The following CDKAL1 variants were observed in gnomAD, a reference collection of about 807,000 sequenced individuals.
CDKAL1 encodes CDKAL1 threonylcarbamoyladenosine tRNA methylthiotransferase.
A neutral mutation model predicts 68.2 loss-of-function variants in CDKAL1; 32 were observed. The ratio of observed to expected loss-of-function variants is 0.47; its 90% CI spans 0.35 to 0.63. The LOEUF is 0.63. Among genes scored for constraint, CDKAL1 ranks in the 30% least tolerant of loss-of-function variants. The pLI is 0.00. For missense variants in CDKAL1, 606 were observed against 696.7 expected, an observed-to-expected ratio of 0.87 and a Z score of 1.47; for synonymous variants, 234 against 244.3, an observed-to-expected ratio of 0.96 and a Z score of 0.39.
Position 21,176,944 on chromosome 6 carries a change from G to A in CDKAL1, c.1300-21077G>A, listed in dbSNP as rs572363175. On this transcript the variant is annotated intron_variant, in intron 13 of 15. Coordinates refer to ENST00000274695, the MANE Select transcript of CDKAL1 (RefSeq NM_017774.3). The stretch of plus-strand genomic sequence containing the variant: ...GAATTCATGACCTCATGATCCACCC[G>A]CCTCAGCCTCCCAAAGTGCTGGGAT... Among the ~76,000 whole-genome samples the A allele has an allele frequency of 2.8e-4, 43 of 152,052 alleles. No homozygotes were observed. In the South Asian group the frequency reaches 8.3e-3, roughly 29 times the overall value.
At chr6:20,548,564 C>CTTTTTTTTTTTTTTTT in intron 3 of CDKAL1, 29 bp from the exon 4 acceptor site, 1 of 809,578 alleles carries the variant, frequency 1.2e-6, no homozygotes. Context: ...ATGAAACTTA[C>CTTTTTTTTTTTTTTTT]TTTTTTTTTT....
At chr6:20,924,748 G>T (rs1170127699) in intron 9 of CDKAL1, among the ~76,000 whole-genome samples, 2 of 152,232 alleles carry the variant, frequency 1.3e-5, no homozygotes, top group Non-Finnish European at 2.9e-5. Flanking sequence ...ACATAAAAGT[G>T]CAGGGTGAAG....
chr6:20,552,415 C>A (rs1311267649), intron 4 of CDKAL1, among the ~76,000 whole-genome samples: 1 of 151,370 alleles, frequency 6.6e-6, no homozygotes, highest in Non-Finnish European at 1.5e-5. Flanking sequence ...TTTTCTATGT[C>A]ATATTAAATA....
chr6:20,946,580 C>A lies in CDKAL1; in HGVS notation c.743-8839C>A, dbSNP rs976777827. 4.0e-5 allele frequency among the ~76,000 whole-genome samples: 6 copies of A among 148,964 alleles called. No individual in the cohort carries two copies. The South Asian group carries it at 1.1e-3, about 27-fold the overall frequency. On this transcript the variant is annotated intron_variant, in intron 9 of 15. Coordinates refer to ENST00000274695, the MANE Select transcript of CDKAL1 (RefSeq NM_017774.3). The stretch of plus-strand genomic sequence containing the variant: ...GGATTTACTGGGATGTAATCCAGTA[C>A]CACAATCCATACCTTTTTTTTTTTT...
chr6:20,914,845 T>C (rs1382402464), intron 9 of CDKAL1, among the ~76,000 whole-genome samples: 1 of 151,954 alleles, frequency 6.6e-6, no homozygotes, highest in Non-Finnish European at 1.5e-5. Flanking sequence ...TGGTGTCACT[T>C]TGACAAAATT....
At chr6:20,786,019 G>A (rs778719291) in intron 8 of CDKAL1, among the ~76,000 whole-genome samples, 1 of 152,204 alleles carries the variant, frequency 6.6e-6, no homozygotes, top group Non-Finnish European at 1.5e-5. Flanking sequence ...TCAGTAGTTT[G>A]AAACCAGCCT....
intron 9 of CDKAL1, among the ~76,000 whole-genome samples, chr6:20,882,322 C>A (rs1195804934): frequency 6.6e-6 from 1 of 152,150 alleles, no homozygotes; most frequent in Non-Finnish European, 1.5e-5. Flanking sequence ...ACGCTTTGTC[C>A]TGTCACATTT....
At chr6:20,699,937 G>C (rs1467769734) in intron 5 of CDKAL1, among the ~76,000 whole-genome samples, 2 of 152,000 alleles carry the variant, frequency 1.3e-5, no homozygotes, top group African/African-American at 4.8e-5. Context: ...TTAAGATGAT[G>C]GTGTTTTGGT....
chr6:21,188,403 G>A (rs1778102008), intron 13 of CDKAL1, among the ~76,000 whole-genome samples: 1 of 152,066 alleles, frequency 6.6e-6, no homozygotes, highest in Admixed American at 6.5e-5. Flanking sequence ...CTACTTTTAT[G>A]AGTAGGTCCC....
At chr6:20,677,776 T>C (rs1044520396) in intron 5 of CDKAL1, among the ~76,000 whole-genome samples, 2 of 152,228 alleles carry the variant, frequency 1.3e-5, no homozygotes, top group African/African-American at 4.8e-5. Context: ...TTTAGTAATA[T>C]GAATTTTTCT....
intron 15 of CDKAL1, among the ~76,000 whole-genome samples, chr6:21,221,794 G>A (rs1582444180): frequency 6.6e-6 from 1 of 152,192 alleles, no homozygotes; most frequent in Admixed American, 6.5e-5. Context: ...CATGAGAAAT[G>A]TTTTGAAGCC....
intron 11 of CDKAL1, among the ~76,000 whole-genome samples, chr6:21,032,331 T>G (rs1769338493): frequency 6.6e-6 from 1 of 152,042 alleles, no homozygotes; most frequent in African/African-American, 2.4e-5. Flanking sequence ...CTTGAGAGAT[T>G]ACAAAGTGCT....
At chr6:20,968,167 T>G (rs1400712526) in intron 10 of CDKAL1, among the ~76,000 whole-genome samples, 2 of 144,952 alleles carry the variant, frequency 1.4e-5, no homozygotes, top group Admixed American at 7.2e-5. Context: ...TTTTTTTTTG[T>G]TTTTTTTTTG....
intron 11 of CDKAL1, among the ~76,000 whole-genome samples, chr6:21,052,295 T>C (rs1282499842): frequency 6.6e-6 from 1 of 152,192 alleles, no homozygotes; most frequent in African/African-American, 2.4e-5. Flanking sequence ...GATTTCATGC[T>C]CTGAACGTAA....
rs56911987 is a variant in CDKAL1 at position 20,732,263 on chromosome 6, C to CTTTTTTTTTTT, written c.372-7244_372-7234dup. Among the ~76,000 whole-genome samples the CTTTTTTTTTTT allele has an allele frequency of 4.4e-3, 366 of 83,460 alleles. 1 individual carries two copies. The highest frequency in any genetic ancestry group is 5.2e-3 in the Non-Finnish European group (240 of 46,076). The allele number at this position is 83,460 out of a possible 152,430, so 54.8% of individuals were successfully genotyped here. A position where few individuals can be genotyped will look rare whatever the true frequency, so the allele number is the denominator to read the frequency against. Reference sequence around the variant, plus strand: ...TTTTTTCTTTTTCTTTTCTTTCTTTCTTTTTTTTTTTTTTTTTTTTTTGTT... The same window carrying CTTTTTTTTTTT: ...TTTTTTCTTTTTCTTTTCTTTCTTTCTTTTTTTTTTTTTTTTTTTTTTTTTTTTTTTTTGTT... On this transcript the variant is annotated intron_variant, in intron 5 of 15. Transcript: ENST00000274695.
At chr6:20,698,480 G>C (rs772673547) in intron 5 of CDKAL1, among the ~76,000 whole-genome samples, 2 of 151,994 alleles carry the variant, frequency 1.3e-5, no homozygotes, top group African/African-American at 4.8e-5. Flanking sequence ...ACTATGTTGC[G>C]CTTATCATGT....
chr6:21,216,730 C>T (rs930407900), intron 15 of CDKAL1, among the ~76,000 whole-genome samples: 6 of 152,142 alleles, frequency 3.9e-5, no homozygotes, highest in Non-Finnish European at 1.5e-5. Flanking sequence ...GTCTTGAACC[C>T]CCATCCTGGA....
chr6:21,068,392 A>G (rs1188706028), intron 12 of CDKAL1, among the ~76,000 whole-genome samples: 1 of 152,136 alleles, frequency 6.6e-6, no homozygotes, highest in Admixed American at 6.5e-5. Flanking sequence ...AATTTAAGGT[A>G]TGAGGTGTGT....
intron 4 of CDKAL1, among the ~76,000 whole-genome samples, chr6:20,611,336 T>A (rs1766608602): frequency 6.6e-6 from 1 of 152,148 alleles, no homozygotes; most frequent in Non-Finnish European, 1.5e-5. Flanking sequence ...CTGTTATATG[T>A]GTCAGCTTTT....
Sources: gnomAD v4.1 joint callset for allele counts (sites outside exome capture counted in the v4.1 genomes callset) on GRCh38, gnomAD v4.1.1 for gene constraint, MANE v1.5 for transcripts, NCBI Gene and HGNC (gene_info 2026-07-23, HGNC 2026-07-21) for gene names.